Variants in RMND1 observed in about 807,000 individuals in gnomAD.
RMND1 encodes required for meiotic nuclear division 1 homolog.
Under a neutral mutation model 54.0 loss-of-function variants are expected in RMND1, and 41 were observed. That is an observed-to-expected ratio of 0.76 (90% CI 0.59 to 0.98). RMND1 has a LOEUF of 0.98. Among genes scored for constraint, RMND1 ranks in the 50% least tolerant of loss-of-function variants. RMND1 has a pLI of 0.00. For synonymous variants in RMND1, 183 were observed against 181.7 expected (o/e 1.01, Z -0.06); for missense variants, 457 against 532.0 (o/e 0.86, Z 1.39).
intron 1 of RMND1, 169 bp from the exon 2 acceptor site, chr6:151,445,994 G>T: frequency 1.6e-6 from 1 of 613,484 alleles, no homozygotes; most frequent in Non-Finnish European, 2.7e-6. Context: ...CAGTGTTTCT[G>T]CCACTTTGCC....
intron 6 of RMND1, among the ~76,000 whole-genome samples, chr6:151,425,065 C>T (rs1052090596): frequency 6.6e-6 from 1 of 152,154 alleles, no homozygotes; most frequent in Admixed American, 6.5e-5. Flanking sequence ...GCCTCAGCCT[C>T]CTGAGTAGCT....
rs773074827 is a variant in RMND1, at chr6:151,417,256, CATT to C, written c.1200+20_1200+22del. On this transcript the variant is annotated intron_variant, in intron 10 of 11. Coordinates refer to ENST00000444024, the MANE Select transcript of RMND1 (RefSeq NM_017909.4). ...TAGGCGACAACGTGTCTTTTTCTCTCATTAGAAGTGCAAAATACGTACCTTAAC... is the reference window on the plus strand; with the variant it reads ...TAGGCGACAACGTGTCTTTTTCTCTCAGAAGTGCAAAATACGTACCTTAAC... 3.2e-5 allele frequency: 51 copies of C among 1,594,744 alleles called. No homozygotes were observed. The South Asian group carries it at 5.4e-4, about 17-fold the overall frequency.
At position 151,425,589 on chromosome 6, in the gene RMND1, A is replaced by G. The variant is rs548070299; in HGVS notation, c.830+1893T>C. Among the ~76,000 whole-genome samples, 374 of 152,274 alleles carry G rather than the reference A, an allele frequency of 2.5e-3. 2 individuals carry two copies. The highest frequency in any genetic ancestry group is 8.2e-3 in the African/African-American group (341 of 41,552). ...GGGGATTCACAGGAGCTGTATCTGC[A>G]GGCCAAGGGCTGAGTAACTACTAAA... On this transcript the variant is annotated intron_variant, in intron 6 of 11. Coordinates refer to ENST00000444024, the MANE Select transcript of RMND1 (RefSeq NM_017909.4).
chr6:151,425,366 A>G (rs1327042852), intron 6 of RMND1, among the ~76,000 whole-genome samples: 1 of 152,160 alleles, frequency 6.6e-6, no homozygotes, highest in Admixed American at 6.5e-5. Context: ...ACGAAACAAA[A>G]TAACTGACTC....
intron 6 of RMND1, among the ~76,000 whole-genome samples, chr6:151,424,286 C>T (rs1780232641): frequency 1.3e-5 from 2 of 151,900 alleles, no homozygotes; most frequent in Non-Finnish European, 2.9e-5. Flanking sequence ...TGGTGAAACC[C>T]CGTCTCTACT....
chr6:151,452,028 AGAG>A lies in RMND1; in HGVS notation c.-30_-28del, dbSNP rs1053585744. Reference sequence around the variant, plus strand: ...GCAATACACTAACCTCTCCGCCGGAAGAGAAGAAGGAAGCGCCAGGGACGCACG... The same window carrying A: ...GCAATACACTAACCTCTCCGCCGGAAAAGAAGGAAGCGCCAGGGACGCACG... On this transcript the variant is annotated 5_prime_UTR_variant, in exon 1 of 12. Coordinates refer to ENST00000444024, the MANE Select transcript of RMND1 (RefSeq NM_017909.4). 4.5e-4 allele frequency: 72 copies of A among 160,496 alleles called. No homozygotes were observed. The highest frequency in any genetic ancestry group is 7.5e-4 in the Non-Finnish European group (55 of 72,896). 9.9% of individuals were successfully genotyped at this position (160,496 alleles called of 1,614,324 possible).
chr6:151,406,365 G>A (rs1261862112), intron 10 of RMND1, among the ~76,000 whole-genome samples: 1 of 151,570 alleles, frequency 6.6e-6, no homozygotes, highest in Admixed American at 6.6e-5. Context: ...TTTTTTTGTT[G>A]TTGTTGTTGT....
intron 3 of RMND1, 174 bp downstream of exon 3, chr6:151,436,272 A>G (rs2114958642): frequency 3.0e-6 from 2 of 660,332 alleles, no homozygotes; most frequent in South Asian, 4.0e-5. Flanking sequence ...TTCTCTGTAA[A>G]TACATTTTAA....
At chr6:151,425,817 C>A (rs1297159065) in intron 6 of RMND1, among the ~76,000 whole-genome samples, 1 of 152,184 alleles carries the variant, frequency 6.6e-6, no homozygotes, top group East Asian at 1.9e-4. Flanking sequence ...ATGGAAGGCA[C>A]TTACTTAGAA....
intron 6 of RMND1, among the ~76,000 whole-genome samples, chr6:151,423,988 C>T (rs984532370): frequency 6.6e-6 from 1 of 151,846 alleles, no homozygotes; most frequent in South Asian, 2.1e-4. Flanking sequence ...GCTGGGATTA[C>T]AGGCATGCGT....
At chr6:151,410,269 A>G (rs534178976) in intron 10 of RMND1, among the ~76,000 whole-genome samples, 2 of 151,982 alleles carry the variant, frequency 1.3e-5, no homozygotes, top group Admixed American at 6.6e-5. Flanking sequence ...GTTAGCCAGG[A>G]TGGTCTGGAT....
At position 151,423,516 on chromosome 6, in the gene RMND1, G is replaced by T; in HGVS notation, c.937+9C>A. 6.4e-7 allele frequency: 1 copy of T among 1,557,676 alleles called. No homozygotes were observed. On this transcript the variant is annotated intron_variant, in intron 7 of 11. Coordinates refer to ENST00000444024, the MANE Select transcript of RMND1 (RefSeq NM_017909.4). ...GTAGTACCCTATCCCATAAGCAGTA[G>T]TAACTTACCAGAAAGGCATAGAGCA...
At chr6:151,447,318 G>T (rs1780984169) in intron 1 of RMND1, among the ~76,000 whole-genome samples, 1 of 147,326 alleles carries the variant, frequency 6.8e-6, no homozygotes. Flanking sequence ...TCAAATGCAT[G>T]TTCATGAAAC....
intron 2 of RMND1, chr6:151,444,465 C>A (rs554799967): frequency 9.7e-4 from 148 of 152,204 alleles, no homozygotes; most frequent in African/African-American, 3.4e-3. Context: ...TGTATGTATA[C>A]CTTTCCAAGG....
intron 4 of RMND1, among the ~76,000 whole-genome samples, chr6:151,432,658 G>A (rs749024301): frequency 6.6e-6 from 1 of 152,114 alleles, no homozygotes; most frequent in Non-Finnish European, 1.5e-5. Flanking sequence ...GGAGTATTTA[G>A]TATTGAGTCG....
At chr6:151,444,656 C>T (rs2114970129) in intron 2 of RMND1, 1 of 129,292 alleles carries the variant, frequency 7.7e-6, no homozygotes, top group Admixed American at 7.4e-5. Flanking sequence ...CTCTTATAAA[C>T]ATTTAAGTAC....
intron 10 of RMND1, among the ~76,000 whole-genome samples, chr6:151,406,681 T>C (rs1019224819): frequency 6.6e-6 from 1 of 151,960 alleles, no homozygotes; most frequent in Non-Finnish European, 1.5e-5. Flanking sequence ...ACCTACCTAA[T>C]ATCTTTATAT....
intron 8 of RMND1, among the ~76,000 whole-genome samples, chr6:151,422,109 GT>G (rs1780166971): frequency 6.6e-6 from 1 of 152,164 alleles, no homozygotes. Flanking sequence ...TTGTAATAAT[GT>G]TGTTGTACTC....
intron 1 of RMND1, among the ~76,000 whole-genome samples, chr6:151,447,283 G>T (rs1358435041): frequency 6.6e-6 from 1 of 152,116 alleles, no homozygotes; most frequent in Non-Finnish European, 1.5e-5. Flanking sequence ...GGAGAAAGCT[G>T]AGCTTTTAAC....
Sources: allele counts gnomAD v4.1 joint callset (sites outside exome capture counted in the v4.1 genomes callset), GRCh38; gene constraint gnomAD v4.1.1; transcripts MANE v1.5; gene names NCBI Gene and HGNC (gene_info 2026-07-23, HGNC 2026-07-21).